RIMS2: variants seen among roughly 807,000 people sequenced by gnomAD.
RIMS2 encodes regulating synaptic membrane exocytosis 2, also known as regulating synaptic membrane exocytosis protein 2.
In RIMS2, 59 loss-of-function variants were observed where a neutral mutation model predicts 174.4. The observed-to-expected ratio is 0.34, with a 90% confidence interval of 0.27 to 0.42. The LOEUF (loss-of-function observed/expected upper bound fraction) is 0.42. Among genes scored for constraint, RIMS2 ranks in the 10% least tolerant of loss-of-function variants. The pLI is 1.00. For synonymous variants in RIMS2, 606 were observed against 572.5 expected, an observed-to-expected ratio of 1.06 and a Z score of -0.84; for missense variants, 1,620 against 1,666.3, an observed-to-expected ratio of 0.97 and a Z score of 0.48.
intron 1 of RIMS2, among the ~76,000 whole-genome samples, chr8:103,549,835 A>T (rs1030306368): frequency 3.3e-5 from 5 of 152,198 alleles, no homozygotes; most frequent in African/African-American, 1.2e-4. Flanking sequence ...TCTCTGATAA[A>T]ACAGACTTTA....
intron 16 of RIMS2, among the ~76,000 whole-genome samples, chr8:103,981,849 CAAAT>C (rs1352326524): frequency 6.6e-6 from 1 of 151,746 alleles, no homozygotes; most frequent in African/African-American, 2.4e-5. Context: ...AAAAGAAAAA[CAAAT>C]AAAAAACAGT....
At chr8:103,834,170 A>T (rs1294479324) in intron 3 of RIMS2, among the ~76,000 whole-genome samples, 2 of 151,870 alleles carry the variant, frequency 1.3e-5, no homozygotes, top group African/African-American at 2.4e-5. Context: ...TCATTTTTTT[A>T]AAAAATTTTT....
chr8:103,781,227 G>A (rs1051263497), intron 3 of RIMS2, among the ~76,000 whole-genome samples: 6 of 152,170 alleles, frequency 3.9e-5, no homozygotes, highest in African/African-American at 7.2e-5. Context: ...CACACACTTC[G>A]TGGTGGGCAG....
chr8:104,114,150 TA>T (rs2098242497), intron 19 of RIMS2, among the ~76,000 whole-genome samples: 2 of 152,198 alleles, frequency 1.3e-5, no homozygotes, highest in South Asian at 4.1e-4. Flanking sequence ...TCATGTTCTC[TA>T]AATGTGTTTA....
intron 1 of RIMS2, among the ~76,000 whole-genome samples, chr8:103,588,643 GA>G (rs1437290582): frequency 1.3e-5 from 2 of 151,718 alleles, no homozygotes; most frequent in African/African-American, 4.8e-5. Context: ...AAAGTGCCAA[GA>G]ATATAAACTT....
chr8:103,550,409 G>A (rs1026666670), intron 1 of RIMS2, among the ~76,000 whole-genome samples: 2 of 152,138 alleles, frequency 1.3e-5, no homozygotes, highest in Non-Finnish European at 2.9e-5. Context: ...TGAAACCAGT[G>A]AGAACAAAGA....
At chr8:103,756,054 C>T (rs1466521475) in intron 2 of RIMS2, among the ~76,000 whole-genome samples, 1 of 152,156 alleles carries the variant, frequency 6.6e-6, no homozygotes, top group East Asian at 1.9e-4. Context: ...TTCTCCCCAT[C>T]TTTGTGGTTT....
intron 19 of RIMS2, among the ~76,000 whole-genome samples, chr8:104,061,131 C>A (rs1011269127): frequency 6.6e-6 from 1 of 152,062 alleles, no homozygotes; most frequent in Non-Finnish European, 1.5e-5. Context: ...TCCTTGTTAA[C>A]TTTCTGTCTC....
intron 1 of RIMS2, among the ~76,000 whole-genome samples, chr8:103,502,668 T>G (rs1026473481): frequency 6.6e-6 from 1 of 152,102 alleles, no homozygotes; most frequent in African/African-American, 2.4e-5. Context: ...ATGCCAAGCT[T>G]TTGATGACTT....
chr8:103,688,420 A>G (rs963585560), intron 1 of RIMS2, among the ~76,000 whole-genome samples: 1 of 152,080 alleles, frequency 6.6e-6, no homozygotes, highest in East Asian at 1.9e-4. Flanking sequence ...ATGTTGAACT[A>G]TCTTTGCATT....
At chr8:103,512,262 C>T (rs1368172255) in intron 1 of RIMS2, among the ~76,000 whole-genome samples, 1 of 152,174 alleles carries the variant, frequency 6.6e-6, no homozygotes, top group African/African-American at 2.4e-5. Flanking sequence ...ATTTTGCCAA[C>T]TGCAAAGGAG....
At chr8:104,200,208 G>A (rs1006455251) in intron 19 of RIMS2, among the ~76,000 whole-genome samples, 12 of 152,150 alleles carry the variant, frequency 7.9e-5, no homozygotes, top group Non-Finnish European at 1.3e-4. Flanking sequence ...TGGGTGGGGA[G>A]GGGAGTAGCA....
chr8:104,019,416 G>A (rs1301096926), intron 19 of RIMS2, among the ~76,000 whole-genome samples: 1 of 152,036 alleles, frequency 6.6e-6, no homozygotes, highest in East Asian at 1.9e-4. Flanking sequence ...TGTACTTTTT[G>A]TGCCTTTTTT....
chr8:103,686,829 A>G (rs2096946187), intron 1 of RIMS2, among the ~76,000 whole-genome samples: 1 of 152,014 alleles, frequency 6.6e-6, no homozygotes, highest in South Asian at 2.1e-4. Flanking sequence ...ATGTGCAATC[A>G]TAGGTCTCTG....
At chr8:104,223,659 G>A (rs1244016840) in intron 19 of RIMS2, 1 of 1,588,576 alleles carries the variant, frequency 6.3e-7, no homozygotes. Context: ...AAGATGGGCC[G>A]GCAGGGCTTG....
At chr8:103,547,203 A>G (rs564515892) in intron 1 of RIMS2, among the ~76,000 whole-genome samples, 1 of 152,332 alleles carries the variant, frequency 6.6e-6, no homozygotes, top group African/African-American at 2.4e-5. Context: ...AGAAAGAAAA[A>G]GTGAGAAGAA....
At chr8:103,933,288 GACACAC>G (rs55909886) in intron 12 of RIMS2, among the ~76,000 whole-genome samples, 7,118 of 119,612 alleles carry the variant, frequency 0.06, 254 homozygotes, top group Middle Eastern at 0.075. Flanking sequence ...TCGAGACTCT[GACACAC>G]ACACACACAC....
chr8:104,167,004 C>T (rs1312807513), intron 19 of RIMS2, among the ~76,000 whole-genome samples: 1 of 152,096 alleles, frequency 6.6e-6, no homozygotes, highest in Non-Finnish European at 1.5e-5. Context: ...GTATATGCCA[C>T]ATTTATCTAC....
rs566501423 is a variant in RIMS2, at chr8:103,940,855, G to A, written c.2548-1918G>A. ...CGTGCCACTGCACTCCAGCCTGGGC[G>A]ACAGAGTGAGACTCCATCTCAAAAA... is the stretch of plus-strand genomic sequence containing the variant. On this transcript the variant is annotated intron_variant, in intron 13 of 23. Transcript: ENST00000504942. Among the ~76,000 whole-genome samples the A allele has an allele frequency of 7.3e-3, 1,057 of 144,600 alleles. 2 individuals are homozygous for A. Among genetic ancestry groups the A allele is most frequent in the Non-Finnish European group, 0.012 (829 of 66,794 alleles). The allele number at this position is 144,600 out of a possible 152,430, so 94.9% of individuals were successfully genotyped here.
Sources: allele counts gnomAD v4.1 joint callset (sites outside exome capture counted in the v4.1 genomes callset), GRCh38; gene constraint gnomAD v4.1.1; transcripts MANE v1.5; gene names NCBI Gene and HGNC (gene_info 2026-07-23, HGNC 2026-07-21).